Variants in TANK observed in about 807,000 individuals in gnomAD.
The protein encoded by TANK is TRAF family member associated NFKB activator.
TANK carries 15 observed loss-of-function variants against 43.6 expected under a neutral mutation model. That is an observed-to-expected ratio of 0.34 (90% CI 0.23 to 0.53). The LOEUF is 0.53. TANK is among the 20% of genes least tolerant of loss of function. TANK has a pLI of 0.94. For synonymous variants in TANK, 162 were observed against 178.2 expected, an observed-to-expected ratio of 0.91 and a Z score of 0.73; for missense variants, 417 against 498.6, an observed-to-expected ratio of 0.84 and a Z score of 1.56.
At chr2:161,143,572 C>A (rs1683814135) in intron 1 of TANK, among the ~76,000 whole-genome samples, 1 of 151,962 alleles carries the variant, frequency 6.6e-6, no homozygotes, top group Non-Finnish European at 1.5e-5. Context: ...ATTGAGATAA[C>A]CATGTGGTTT....
intron 4 of TANK, among the ~76,000 whole-genome samples, chr2:161,210,692 C>A (rs1276869466): frequency 1.4e-5 from 2 of 144,480 alleles, no homozygotes; most frequent in African/African-American, 5.1e-5. Flanking sequence ...AGTGAAACTC[C>A]GTCTAAAAAA....
chr2:161,203,232 A>G (rs1410533731), intron 2 of TANK, among the ~76,000 whole-genome samples: 2 of 152,156 alleles, frequency 1.3e-5, no homozygotes, highest in Admixed American at 1.3e-4. Flanking sequence ...TCAGGAAATC[A>G]TAGATTGAAT....
intron 1 of TANK, chr2:161,161,178 G>A: frequency 2.7e-6 from 4 of 1,473,210 alleles, no homozygotes; most frequent in Non-Finnish European, 3.6e-6. Context: ...TCTAGAAGTA[G>A]AAAGGGGGAG....
intron 4 of TANK, among the ~76,000 whole-genome samples, chr2:161,213,366 G>A (rs1035013756): frequency 6.6e-6 from 1 of 152,146 alleles, no homozygotes; most frequent in South Asian, 2.1e-4. Flanking sequence ...ATTTTGGGAG[G>A]CCAAGGTGGG....
chr2:161,196,235 G>A (rs1312453216), intron 2 of TANK, among the ~76,000 whole-genome samples: 2 of 152,140 alleles, frequency 1.3e-5, no homozygotes, highest in African/African-American at 4.8e-5. Context: ...GACTTTTGGC[G>A]GGGTAGAGAG....
chr2:161,180,980 A>T (rs1406792161), intron 2 of TANK, among the ~76,000 whole-genome samples: 1 of 152,002 alleles, frequency 6.6e-6, no homozygotes, highest in Non-Finnish European at 1.5e-5. Context: ...TCAAAAGGAA[A>T]GGTGTTCATT....
upstream of TANK, among the ~76,000 whole-genome samples, chr2:161,157,490 A>G (rs1195634561): frequency 1.3e-5 from 2 of 152,172 alleles, no homozygotes; most frequent in African/African-American, 4.8e-5. Context: ...AGTCTGCAAT[A>G]TAATCAGCCA....
At chr2:161,212,062 A>AG (rs1686915390) in intron 4 of TANK, 1 of 739,410 alleles carries the variant, frequency 1.4e-6, no homozygotes, top group African/African-American at 2.5e-5. Context: ...TAATACATAA[A>AG]CTTTTTTTTT....
At chr2:161,180,908 T>G (rs1462341652) in intron 2 of TANK, among the ~76,000 whole-genome samples, 1 of 151,858 alleles carries the variant, frequency 6.6e-6, no homozygotes, top group Non-Finnish European at 1.5e-5. Flanking sequence ...CAGGGTTTTT[T>G]TTTTTTTTTT....
At chr2:161,180,763 AT>A (rs1685383187) in intron 2 of TANK, among the ~76,000 whole-genome samples, 1 of 152,168 alleles carries the variant, frequency 6.6e-6, no homozygotes, top group Non-Finnish European at 1.5e-5. Context: ...ATATAGCCAG[AT>A]TATTAATGGA....
chr2:161,168,555 A>G lies in TANK; in HGVS notation c.-50+8069A>G, dbSNP rs192755022. ...AAGAGAAAAAAATCGGTTTAAGGCC[A>G]GGCACAGTGGCTTATGCCTATAATC... On this transcript the variant is annotated intron_variant, in intron 1 of 7. Coordinates refer to ENST00000392749, the MANE Select transcript of TANK (RefSeq NM_001199135.3). Among the ~76,000 whole-genome samples the G allele has an allele frequency of 9.8e-5, 15 of 152,322 alleles. No individual in the cohort carries two copies. The East Asian group carries it at 2.9e-3, about 29-fold the overall frequency.
At chr2:161,207,343 A>G in intron 4 of TANK, 1 of 936,234 alleles carries the variant, frequency 1.1e-6, no homozygotes. Context: ...TCTCTTAATT[A>G]TCTTTACTAA....
chr2:161,232,101 G>A (rs773734576), intron 7 of TANK, among the ~76,000 whole-genome samples: 2 of 152,136 alleles, frequency 1.3e-5, no homozygotes, highest in Non-Finnish European at 2.9e-5. Flanking sequence ...AAATGAACAT[G>A]TAGCCTAGTA....
At chr2:161,146,821 T>C (rs1683923627) in intron 1 of TANK, among the ~76,000 whole-genome samples, 1 of 152,174 alleles carries the variant, frequency 6.6e-6, no homozygotes, top group South Asian at 2.1e-4. Context: ...GGAGCAAGAC[T>C]TGTTTAATGA....
At chr2:161,154,245 A>T (rs764489519) in intron 1 of TANK, among the ~76,000 whole-genome samples, 2 of 152,202 alleles carry the variant, frequency 1.3e-5, no homozygotes, top group Non-Finnish European at 2.9e-5. Context: ...GTAAAATATG[A>T]GGAAAACATG....
At position 161,207,306 on chromosome 2, in the gene TANK, T is replaced by C. The variant is rs575061446; in HGVS notation, c.327+2513T>C. ...AGACGGTAAGAGGAAAAGCTCCAAG[T>C]AAGGAATAAACCTAACTTCAGCGAG... On this transcript the variant is annotated intron_variant, in intron 4 of 7. Coordinates refer to ENST00000392749, the MANE Select transcript of TANK (RefSeq NM_001199135.3). 36 of 738,164 alleles carry C rather than the reference T, an allele frequency of 4.9e-5. No individual in the cohort carries two copies. In the Admixed American group the frequency reaches 6.9e-4, roughly 14 times the overall value. The allele number at this position is 738,164 out of a possible 1,614,324, so 45.7% of individuals were successfully genotyped here.
At position 161,174,738 on chromosome 2, in the gene TANK, C is replaced by G. The variant is rs114529611; in HGVS notation, c.-49-4876C>G. Among the ~76,000 whole-genome samples, 178 of 152,226 alleles carry G rather than the reference C, an allele frequency of 1.2e-3. 1 individual carries two copies. The highest frequency in any genetic ancestry group is 4.0e-3 in the African/African-American group (168 of 41,536). On this transcript the variant is annotated intron_variant, in intron 1 of 7. Transcript: ENST00000392749. ...TTGCTTTCAGGCATCATGGGGAAAGCTTTAGCGTAATCCGTCATGTTTATA... is the reference window on the plus strand; with the variant it reads ...TTGCTTTCAGGCATCATGGGGAAAGGTTTAGCGTAATCCGTCATGTTTATA...
chr2:161,207,728 CAGGTGA>C (rs1229409018), intron 4 of TANK: 1 of 984,834 alleles, frequency 1.0e-6, no homozygotes, highest in Non-Finnish European at 1.2e-6. Context: ...TTAGCTAATA[CAGGTGA>C]AACCTTTCCT....
intron 1 of TANK, 92 bp downstream of exon 1, chr2:161,160,578 A>T: frequency 4.7e-6 from 5 of 1,060,618 alleles, no homozygotes; most frequent in Non-Finnish European, 6.3e-6. Flanking sequence ...ACGCGCTGAC[A>T]GTAGGGGCGC....
Sources: gnomAD v4.1 joint callset for allele counts (sites outside exome capture counted in the v4.1 genomes callset) on GRCh38, gnomAD v4.1.1 for gene constraint, MANE v1.5 for transcripts, NCBI Gene and HGNC (gene_info 2026-07-23, HGNC 2026-07-21) for gene names.